The following MYOCD variants were observed in gnomAD, a reference collection of about 807,000 sequenced individuals.
MYOCD encodes myocardin.
In MYOCD, 32 loss-of-function variants were observed where a neutral mutation model predicts 96.1. The observed-to-expected ratio is 0.33, with a 90% CI of 0.25 to 0.45. MYOCD has a LOEUF of 0.45. MYOCD is among the 20% of genes least tolerant of loss of function. MYOCD has a pLI of 1.00. For synonymous variants in MYOCD, 469 were observed against 469.0 expected (o/e 1.00, Z 0.00); for missense variants, 1,133 against 1,200.6 (o/e 0.94, Z 0.83).
chr17:12,753,248 T>C lies in MYOCD; in HGVS notation c.1960T>C (p.Ser654Pro). 1.2e-6 allele frequency: 2 copies of C among 1,614,126 alleles called. No individual in the cohort carries two copies. ...CCCACAGCACATCAGTTTGCCCCCATCACCCAACAACCCTCACTTTCTGCC... is the reference window on the plus strand; with the variant it reads ...CCCACAGCACATCAGTTTGCCCCCACCACCCAACAACCCTCACTTTCTGCC... The part of the protein sequence containing the change: ...KSPQHISLPP[S>P]PNNPHFLPSS... The change falls in exon 10 of 14, where the codon TCA (serine) becomes CCA (proline). Residue 654 changes from serine (S) to proline (P), a missense_variant. Physicochemically the swap from Ser to Pro is moderately conservative, Grantham distance 74. Coordinates refer to ENST00000425538, the MANE Select transcript of MYOCD (RefSeq NM_001146312.3).
chr17:12,700,375 T>C (rs1016014729), intron 1 of MYOCD, among the ~76,000 whole-genome samples: 6 of 149,626 alleles, frequency 4.0e-5, no homozygotes, highest in Admixed American at 1.3e-4. Flanking sequence ...AGTCTTCTAA[T>C]TGGCTAACTC....
At chr17:12,713,642 T>G (rs2031546893) in intron 2 of MYOCD, among the ~76,000 whole-genome samples, 1 of 152,208 alleles carries the variant, frequency 6.6e-6, no homozygotes, top group African/African-American at 2.4e-5. Context: ...ATACAGATTG[T>G]GTAGATCCAC....
chr17:12,751,418 T>G (rs1406629309), intron 9 of MYOCD, among the ~76,000 whole-genome samples: 1 of 152,196 alleles, frequency 6.6e-6, no homozygotes, highest in African/African-American at 2.4e-5. Flanking sequence ...TCAGCTTTAA[T>G]GGATCTGTAG....
At chr17:12,737,060 G>A (rs975461243) in intron 6 of MYOCD, among the ~76,000 whole-genome samples, 1 of 152,090 alleles carries the variant, frequency 6.6e-6, no homozygotes, top group African/African-American at 2.4e-5. Context: ...TGCAAGACCA[G>A]CCTGGCCAAC....
At chr17:12,753,680 G>C (rs57172332) in intron 10 of MYOCD, among the ~76,000 whole-genome samples, 35,175 of 152,100 alleles carry the variant, frequency 0.23, 4,741 homozygotes, top group African/African-American at 0.36. Context: ...ACATGGCTCT[G>C]TCCCAATAAA....
Position 12,752,631 on chromosome 17 carries a change from A to C in MYOCD, c.1343A>C (p.His448Pro), listed in dbSNP as rs1190230722. 6.2e-7 allele frequency: 1 copy of C among 1,614,004 alleles called. No individual in the cohort carries two copies. The highest frequency in any genetic ancestry group is 1.1e-5 in the South Asian group (1 of 91,060). ...STSALSNGFY[H>P]FGSTSSSPPI... The stretch of plus-strand genomic sequence containing the variant: ...AGTGCCCTGTCCAACGGCTTCTACC[A>C]CTTTGGCAGCACCAGCTCCAGCCCC... Residue 448 changes from histidine (H) to proline (P), a missense_variant, in exon 10 of 14, where the codon CAC becomes CCC. Physicochemically the swap from His to Pro is moderately conservative, Grantham distance 77. Transcript: ENST00000425538.
chr17:12,707,230 A>G (rs936915271), intron 2 of MYOCD, among the ~76,000 whole-genome samples: 6 of 152,204 alleles, frequency 3.9e-5, no homozygotes, highest in Admixed American at 2.6e-4. Flanking sequence ...AATGCAAACA[A>G]TTGGGAGAAG....
chr17:12,689,537 A>G (rs1185540499), intron 1 of MYOCD, among the ~76,000 whole-genome samples: 1 of 152,216 alleles, frequency 6.6e-6, no homozygotes, highest in Non-Finnish European at 1.5e-5. Context: ...AGAACAACTA[A>G]TTAACAATTT....
At chr17:12,672,010 C>T (rs17702842) in intron 1 of MYOCD, 1,941 of 152,348 alleles carry the variant, frequency 0.013, 21 homozygotes, top group South Asian at 0.053. Context: ...GGTTCCATTC[C>T]TTCTGTCCTG....
intron 9 of MYOCD, among the ~76,000 whole-genome samples, chr17:12,746,531 T>A (rs1333326740): frequency 6.6e-6 from 1 of 152,012 alleles, no homozygotes; most frequent in Non-Finnish European, 1.5e-5. Context: ...AGGAGACAAG[T>A]GAGACAGGAG....
At chr17:12,667,643 TG>T (rs1288243852) in intron 1 of MYOCD, among the ~76,000 whole-genome samples, 3 of 152,228 alleles carry the variant, frequency 2.0e-5, no homozygotes, top group Non-Finnish European at 4.4e-5. Flanking sequence ...GTGGAGGGTC[TG>T]GGGGTGCTGG....
At chr17:12,727,073 G>A (rs2032020776) in intron 5 of MYOCD, among the ~76,000 whole-genome samples, 1 of 152,282 alleles carries the variant, frequency 6.6e-6, no homozygotes, top group African/African-American at 2.4e-5. Context: ...AGTGGAGGAA[G>A]GTAGTTGCGG....
rs182933648 is a variant in MYOCD, at chr17:12,749,896, C to T, written c.1126-2518C>T. Among the ~76,000 whole-genome samples, 54 of 152,104 alleles carry T rather than the reference C, an allele frequency of 3.6e-4. 1 individual carries two copies. In the East Asian group the frequency reaches 0.01, roughly 29 times the overall value. On this transcript the variant is annotated intron_variant, in intron 9 of 13. Coordinates refer to ENST00000425538, the MANE Select transcript of MYOCD (RefSeq NM_001146312.3). ...ACGGAGGCTCGCTCTGTCGCCCAGG[C>T]TGGAGTGCAGTGGCCGGATCTCGGC... is the stretch of plus-strand genomic sequence containing the variant.
chr17:12,763,706 C>T lies in MYOCD; in HGVS notation c.*62C>T. The stretch of plus-strand genomic sequence containing the variant: ...AGTTCCATGGGGGAAAGCACACAGC[C>T]ATACATACTTTACTGTCCAAAAACA... On this transcript the variant is annotated 3_prime_UTR_variant, in exon 14 of 14. Coordinates refer to ENST00000425538, the MANE Select transcript of MYOCD (RefSeq NM_001146312.3). 2 of 1,384,458 alleles carry T rather than the reference C, an allele frequency of 1.4e-6. No homozygotes were observed. Among genetic ancestry groups the T allele is most frequent in the South Asian group, 1.4e-5 (1 of 73,194 alleles). The allele number at this position is 1,384,458 out of a possible 1,614,324, so 85.8% of individuals were successfully genotyped here. A position where few individuals can be genotyped will look rare whatever the true frequency, so the allele number is the denominator to read the frequency against.
chr17:12,696,523 A>T (rs528695204), intron 1 of MYOCD, among the ~76,000 whole-genome samples: 1 of 152,256 alleles, frequency 6.6e-6, no homozygotes, highest in Non-Finnish European at 1.5e-5. Context: ...TGCCCATTTT[A>T]CATTCCCATC....
chr17:12,742,047 C>T (rs760633248), intron 7 of MYOCD, among the ~76,000 whole-genome samples: 16 of 152,212 alleles, frequency 1.1e-4, no homozygotes, highest in Admixed American at 2.6e-4. Context: ...GACTTAGCTG[C>T]GGGACCCTGC....
At chr17:12,747,048 TTA>T (rs1267729748) in intron 9 of MYOCD, among the ~76,000 whole-genome samples, 1 of 150,014 alleles carries the variant, frequency 6.7e-6, no homozygotes, top group Non-Finnish European at 1.5e-5. Context: ...TTTTTTTTTT[TTA>T]AATATAAACC....
chr17:12,712,690 A>G (rs948761125), intron 2 of MYOCD, among the ~76,000 whole-genome samples: 8 of 152,302 alleles, frequency 5.3e-5, no homozygotes, highest in African/African-American at 1.9e-4. Flanking sequence ...CAAGAACACA[A>G]ATTCCCTTGT....
intron 2 of MYOCD, among the ~76,000 whole-genome samples, chr17:12,706,809 A>G (rs190306081): frequency 1.1e-3 from 167 of 152,362 alleles, no homozygotes; most frequent in Non-Finnish European, 1.6e-3. Context: ...AGAATCAAAT[A>G]ATATGCATAT....
Sources: allele counts gnomAD v4.1 joint callset (sites outside exome capture counted in the v4.1 genomes callset), GRCh38; gene constraint gnomAD v4.1.1; transcripts MANE v1.5; gene names NCBI Gene and HGNC (gene_info 2026-07-23, HGNC 2026-07-21).